Variants in FRMD4A observed in about 807,000 individuals in gnomAD.
FRMD4A encodes FERM domain containing 4A.
Under a neutral mutation model 129.1 loss-of-function variants are expected in FRMD4A, and 29 were observed. The ratio of observed to expected loss-of-function variants is 0.22; its 90% CI spans 0.17 to 0.31. The LOEUF (loss-of-function observed/expected upper bound fraction) is 0.31, where lower values mean the gene tolerates loss of function less well. Among genes scored for constraint, FRMD4A ranks in the 10% least tolerant of loss-of-function variants. The pLI, the probability that FRMD4A is intolerant of heterozygous loss-of-function variation, is 1.00. For missense variants in FRMD4A, 1,272 were observed against 1,375.8 expected, an observed-to-expected ratio of 0.92 and a Z score of 1.19; for synonymous variants, 634 against 571.6, an observed-to-expected ratio of 1.11 and a Z score of -1.56.
intron 2 of FRMD4A, among the ~76,000 whole-genome samples, chr10:13,884,188 A>ACTCACACGCACACT: frequency 1.0e-5 from 1 of 97,128 alleles, no homozygotes; most frequent in East Asian, 2.7e-4. Context: ...ACACACACAC[A>ACTCACACGCACACT]CACACACTCA....
At chr10:14,193,459 C>T (rs1842377671) in intron 2 of FRMD4A, among the ~76,000 whole-genome samples, 1 of 118,434 alleles carries the variant, frequency 8.4e-6, no homozygotes, top group Admixed American at 7.7e-5. Flanking sequence ...TACATACATA[C>T]ACCCACCCAC....
At chr10:13,918,688 C>T (rs758404397) in intron 2 of FRMD4A, among the ~76,000 whole-genome samples, 1 of 151,942 alleles carries the variant, frequency 6.6e-6, no homozygotes, top group Non-Finnish European at 1.5e-5. Context: ...ACCACCACAC[C>T]TGGCTAATTT....
chr10:13,706,761 C>CAA (rs2087486404), intron 13 of FRMD4A, among the ~76,000 whole-genome samples: 2 of 151,538 alleles, frequency 1.3e-5, no homozygotes. Flanking sequence ...CACACACACA[C>CAA]ACACACACAC....
chr10:14,194,934 T>C (rs1325662579), intron 2 of FRMD4A, among the ~76,000 whole-genome samples: 1 of 152,200 alleles, frequency 6.6e-6, no homozygotes, highest in Non-Finnish European at 1.5e-5. Context: ...TACTGTTAGC[T>C]TGAAATCATG....
chr10:13,735,057 G>A (rs2090555224), intron 12 of FRMD4A, among the ~76,000 whole-genome samples: 1 of 152,092 alleles, frequency 6.6e-6, no homozygotes, highest in African/African-American at 2.4e-5. Flanking sequence ...ATTTTTAGTA[G>A]AGACGGAGTT....
intron 2 of FRMD4A, among the ~76,000 whole-genome samples, chr10:14,184,125 CTTTTTTTTTTTT>C (rs58858936): frequency 3.4e-4 from 22 of 64,638 alleles, no homozygotes; most frequent in African/African-American, 1.3e-3. Flanking sequence ...CTTTTCTTTT[CTTTTTTTTTTTT>C]TTTTTTTTTT....
chr10:14,095,933 C>T (rs993625170), intron 2 of FRMD4A, among the ~76,000 whole-genome samples: 14 of 152,210 alleles, frequency 9.2e-5, no homozygotes, highest in African/African-American at 3.4e-4. Flanking sequence ...ATAAGGAGCG[C>T]AAGTGGAAAA....
intron 2 of FRMD4A, among the ~76,000 whole-genome samples, chr10:13,999,138 G>T (rs1452996737): frequency 6.6e-6 from 1 of 152,048 alleles, no homozygotes; most frequent in African/African-American, 2.4e-5. Flanking sequence ...TCCCCACATG[G>T]CTGTGTGGCT....
At chr10:13,923,119 T>C (rs908356020) in intron 2 of FRMD4A, among the ~76,000 whole-genome samples, 1 of 152,194 alleles carries the variant, frequency 6.6e-6, no homozygotes, top group Non-Finnish European at 1.5e-5. Context: ...TGGGAAACCC[T>C]AGAGTGGATG....
chr10:13,748,536 GT>G (rs2091412593), intron 8 of FRMD4A, among the ~76,000 whole-genome samples: 4 of 152,202 alleles, frequency 2.6e-5, no homozygotes, highest in Admixed American at 6.5e-5. Flanking sequence ...CACTCAAAAA[GT>G]TTCTGAGTTT....
At chr10:13,993,840 GTTTT>G (rs59181140) in intron 2 of FRMD4A, among the ~76,000 whole-genome samples, 67 of 149,378 alleles carry the variant, frequency 4.5e-4, no homozygotes, top group African/African-American at 8.8e-4. Context: ...GTCAGAATAG[GTTTT>G]TTTTTTTTAA....
At chr10:13,791,581 C>G (rs577275490) in intron 5 of FRMD4A, among the ~76,000 whole-genome samples, 22 of 152,250 alleles carry the variant, frequency 1.4e-4, no homozygotes, top group African/African-American at 5.1e-4. Flanking sequence ...ACAGGCAGGG[C>G]TGATAGGATC....
chr10:14,126,478 CA>C (rs1838848224), intron 2 of FRMD4A, among the ~76,000 whole-genome samples: 1 of 152,064 alleles, frequency 6.6e-6, no homozygotes, highest in Non-Finnish European at 1.5e-5. Context: ...CTGCCTTGCC[CA>C]CTTTTACCTA....
At position 14,008,091 on chromosome 10, in the gene FRMD4A, T is replaced by A. The variant is rs768500413; in HGVS notation, c.46-149179A>T. ...AACGCTGCGCCTTCTCAGAGATCCA[T>A]AAGGAATTTTCAGTAAAAGTCTTTG... On this transcript the variant is annotated intron_variant, in intron 2 of 24. Transcript: ENST00000357447. 40 of 1,303,444 alleles carry A rather than the reference T, an allele frequency of 3.1e-5. No homozygotes were observed. The Middle Eastern group carries it at 6.4e-4, about 21-fold the overall frequency. The allele number at this position is 1,303,444 out of a possible 1,614,324, so 80.7% of individuals were successfully genotyped here.
At chr10:13,680,699 C>G (rs1026469289) in intron 15 of FRMD4A, among the ~76,000 whole-genome samples, 1 of 151,364 alleles carries the variant, frequency 6.6e-6, no homozygotes, top group African/African-American at 2.4e-5. Context: ...GCACTCCAGC[C>G]GGGGTGACAG....
chr10:14,005,031 T>TTTC (rs1474104321), intron 2 of FRMD4A, among the ~76,000 whole-genome samples: 3 of 148,810 alleles, frequency 2.0e-5, no homozygotes, highest in African/African-American at 7.4e-5. Flanking sequence ...TCTTTCTTTC[T>TTTC]TTTTTTTTTG....
chr10:13,702,738 C>G (rs888120799), intron 13 of FRMD4A, among the ~76,000 whole-genome samples: 1 of 151,824 alleles, frequency 6.6e-6, no homozygotes, highest in African/African-American at 2.4e-5. Flanking sequence ...GCTAATTTTC[C>G]CTTAAAGAAA....
chr10:13,750,085 AAAGAAAGAAAGAAAGAAAGAAATG>A (rs1448938702), intron 8 of FRMD4A, among the ~76,000 whole-genome samples: 31 of 81,126 alleles, frequency 3.8e-4, no homozygotes, highest in South Asian at 2.8e-3. Context: ...AGAAAGAAAG[AAAGAAAGAAAGAAAGAAAGAAATG>A]AAGAAAGAAA....
rs141287085 is a variant in FRMD4A at position 14,025,321 on chromosome 10, T to C, written c.46-166409A>G. ...TTGCTTTTTTTTTTTAACTTAAAAA[T>C]GTTTGGAAATTGTGGTAAAATATAC... On this transcript the variant is annotated intron_variant, in intron 2 of 24. Coordinates refer to ENST00000357447, the MANE Select transcript of FRMD4A (RefSeq NM_018027.5). Among the ~76,000 whole-genome samples the C allele has an allele frequency of 4.2e-3, 639 of 152,062 alleles. 4 individuals are homozygous for C. The highest frequency in any genetic ancestry group is 0.014 in the African/African-American group (589 of 41,462).
Sources: gnomAD v4.1 joint callset for allele counts (sites outside exome capture counted in the v4.1 genomes callset) on GRCh38, gnomAD v4.1.1 for gene constraint, MANE v1.5 for transcripts, NCBI Gene and HGNC (gene_info 2026-07-23, HGNC 2026-07-21) for gene names.